The following CAPZB variants were observed in gnomAD, a reference collection of about 807,000 sequenced individuals.
CAPZB encodes the protein capping actin protein of muscle Z-line subunit beta, also known as F-actin-capping protein subunit beta.
A neutral mutation model predicts 38.1 loss-of-function variants in CAPZB; 2 were observed. The ratio of observed to expected loss-of-function variants is 0.05; its 90% CI spans 0.02 to 0.17. The LOEUF (loss-of-function observed/expected upper bound fraction) is 0.17, where lower values mean the gene tolerates loss of function less well. Among genes scored for constraint, CAPZB ranks in the 10% least tolerant of loss-of-function variants. The pLI is 1.00. For synonymous variants in CAPZB, 107 were observed against 127.4 expected (o/e 0.84, Z 1.08); for missense variants, 161 against 334.2 (o/e 0.48, Z 4.04).
intron 2 of CAPZB, among the ~76,000 whole-genome samples, chr1:19,386,239 A>T (rs939219604): frequency 5.9e-5 from 9 of 152,198 alleles, no homozygotes; most frequent in Non-Finnish European, 1.3e-4. Flanking sequence ...ACCAAGAAAG[A>T]TGACCCCGCG....
In CAPZB at chr1:19,378,735, T is replaced by G. The variant is rs141530524; in HGVS notation, c.216-82A>C. On this transcript the variant is annotated intron_variant, in intron 3 of 8. Transcript: ENST00000264202. ...GCGAGCAGGGAGCCTGAGCCCTGGCTATCTGAAATCTCGGAGGCAAAGCCG... is the reference window on the plus strand; with the variant it reads ...GCGAGCAGGGAGCCTGAGCCCTGGCGATCTGAAATCTCGGAGGCAAAGCCG... 9.1e-5 allele frequency: 70 copies of G among 769,586 alleles called. 1 individual carries two copies. The African/African-American group carries it at 1.1e-3, about 12-fold the overall frequency. The allele number at this position is 769,586 out of a possible 1,614,324, so 47.7% of individuals were successfully genotyped here.
intron 1 of CAPZB, among the ~76,000 whole-genome samples, chr1:19,462,686 T>G (rs1406192672): frequency 6.6e-6 from 1 of 152,134 alleles, no homozygotes; most frequent in Non-Finnish European, 1.5e-5. Flanking sequence ...TCAAAACAGT[T>G]AAAAACAGGT....
At chr1:19,345,359 G>T in intron 6 of CAPZB, 107 bp from the exon 7 acceptor site, 1 of 905,042 alleles carries the variant, frequency 1.1e-6, no homozygotes, top group Non-Finnish European at 1.8e-6. Context: ...TGTTCCCACC[G>T]TGGAGCCAGC....
intron 2 of CAPZB, 40 bp from the exon 3 acceptor site, chr1:19,385,666 A>G: frequency 6.2e-7 from 1 of 1,613,992 alleles, no homozygotes; most frequent in Non-Finnish European, 8.5e-7. Flanking sequence ...AGAGGTTAAA[A>G]CAGCACACCA....
At chr1:19,478,531 T>C (rs1442128015) in intron 1 of CAPZB, among the ~76,000 whole-genome samples, 1 of 152,102 alleles carries the variant, frequency 6.6e-6, no homozygotes, top group Non-Finnish European at 1.5e-5. Context: ...TTCACAAGCA[T>C]CCAGAGATGT....
intron 1 of CAPZB, among the ~76,000 whole-genome samples, chr1:19,440,483 T>C (rs1558263510): frequency 6.6e-6 from 1 of 152,218 alleles, no homozygotes; most frequent in Non-Finnish European, 1.5e-5. Context: ...TCCAAACTTT[T>C]CCTCACCGTG....
chr1:19,419,521 G>A (rs1166272203), intron 2 of CAPZB, 140 bp downstream of exon 2: 8 of 604,118 alleles, frequency 1.3e-5, no homozygotes, highest in Admixed American at 2.9e-5. Flanking sequence ...CTGCCTGGAG[G>A]AATCTCATAG....
intron 1 of CAPZB, among the ~76,000 whole-genome samples, chr1:19,441,103 TAAAAC>T (rs1292685042): frequency 1.1e-4 from 16 of 152,182 alleles, no homozygotes; most frequent in African/African-American, 3.9e-4. Flanking sequence ...TTATAGCTGC[TAAAAC>T]CTTATGCAGA....
intron 1 of CAPZB, among the ~76,000 whole-genome samples, chr1:19,481,352 T>C (rs1011793172): frequency 7.2e-5 from 11 of 152,186 alleles, no homozygotes; most frequent in Non-Finnish European, 4.4e-5. Flanking sequence ...GTGGATCTGC[T>C]GCAAGGGGAA....
intron 1 of CAPZB, among the ~76,000 whole-genome samples, chr1:19,440,700 C>A (rs2094473068): frequency 6.6e-6 from 1 of 152,206 alleles, no homozygotes; most frequent in South Asian, 2.1e-4. Context: ...GTGCACCCAA[C>A]GCTACTGACT....
intron 1 of CAPZB, among the ~76,000 whole-genome samples, chr1:19,458,365 A>C (rs577864959): frequency 6.6e-6 from 1 of 152,124 alleles, no homozygotes; most frequent in Admixed American, 6.5e-5. Context: ...TTGTTTGCTT[A>C]ATTTTGAGAC....
At chr1:19,466,362 A>G (rs1325434959) in intron 1 of CAPZB, among the ~76,000 whole-genome samples, 1 of 152,186 alleles carries the variant, frequency 6.6e-6, no homozygotes, top group Non-Finnish European at 1.5e-5. Flanking sequence ...CTGAAACCCA[A>G]ACAAAAACAA....
intron 1 of CAPZB, among the ~76,000 whole-genome samples, chr1:19,442,848 C>CCTT (rs2094482570): frequency 6.6e-6 from 1 of 152,252 alleles, no homozygotes; most frequent in South Asian, 2.1e-4. Flanking sequence ...GTTGCTCCTG[C>CCTT]CTTCAGCTTG....
chr1:19,348,163 C>T (rs901683800), intron 6 of CAPZB, among the ~76,000 whole-genome samples: 11 of 152,200 alleles, frequency 7.2e-5, no homozygotes, highest in Non-Finnish European at 1.3e-4. Flanking sequence ...GAAGACACTG[C>T]AGCTGCCAGT....
chr1:19,429,126 T>C (rs541773016), intron 1 of CAPZB, among the ~76,000 whole-genome samples: 1 of 152,246 alleles, frequency 6.6e-6, no homozygotes, highest in Non-Finnish European at 1.5e-5. Context: ...GGACAGTGTA[T>C]GAGTAGCCAC....
At chr1:19,379,106 T>TC (rs1558202573) in intron 3 of CAPZB, among the ~76,000 whole-genome samples, 14 of 150,870 alleles carry the variant, frequency 9.3e-5, no homozygotes, top group African/African-American at 3.4e-4. Flanking sequence ...CTTTCTTTTT[T>TC]TTTTTTTTTT....
rs551019914 is a variant in CAPZB, at chr1:19,483,533, T to C, written c.3+1903A>G. Among the ~76,000 whole-genome samples, 7 of 152,346 alleles carry C rather than the reference T, an allele frequency of 4.6e-5. No homozygotes were observed. The South Asian group carries it at 6.2e-4, about 14-fold the overall frequency. ...AGTTCCTCCACCCTTTCCAGCCTTT[T>C]CAGATGAGAGCTGAGTACAAGACTC... is the stretch of plus-strand genomic sequence containing the variant. On this transcript the variant is annotated intron_variant, in intron 1 of 8. Transcript: ENST00000264202.
chr1:19,482,344 C>T (rs1448553788), intron 1 of CAPZB, among the ~76,000 whole-genome samples: 1 of 152,216 alleles, frequency 6.6e-6, no homozygotes, highest in African/African-American at 2.4e-5. Context: ...GTCTTATCCA[C>T]ATCAAGAGAC....
intron 4 of CAPZB, among the ~76,000 whole-genome samples, chr1:19,365,121 G>A (rs964224418): frequency 1.3e-5 from 2 of 152,152 alleles, no homozygotes; most frequent in African/African-American, 4.8e-5. Flanking sequence ...TGGGATTATA[G>A]GCATAAGTCA....
Sources: gnomAD v4.1 joint callset for allele counts (sites outside exome capture counted in the v4.1 genomes callset) on GRCh38, gnomAD v4.1.1 for gene constraint, MANE v1.5 for transcripts, NCBI Gene and HGNC (gene_info 2026-07-23, HGNC 2026-07-21) for gene names.